Variants in HTT observed in about 807,000 individuals in gnomAD.
The protein encoded by HTT is huntington disease protein.
A neutral mutation model predicts 362.3 loss-of-function variants in HTT; 104 were observed. That is an observed-to-expected ratio of 0.29 (90% confidence interval 0.24 to 0.34). The LOEUF (loss-of-function observed/expected upper bound fraction) is 0.34, where lower values mean the gene tolerates loss of function less well. HTT is among the 10% of genes least tolerant of loss of function. The probability of loss-of-function intolerance (pLI) is 1.00; values close to 1 mark genes in which losing one functional copy is unlikely to be tolerated. For missense variants in HTT, 3,301 were observed against 3,928.6 expected (o/e 0.84, Z 4.27); for synonymous variants, 1,577 against 1,548.7 (o/e 1.02, Z -0.43).
chr4:3,132,979 T>G, intron 18 of HTT, 68 bp downstream of exon 18: 2 of 1,183,238 alleles, frequency 1.7e-6, no homozygotes, highest in South Asian at 1.2e-5. Flanking sequence ...ACAATTAAAA[T>G]TGGAGCTTAA....
intron 2 of HTT, among the ~76,000 whole-genome samples, chr4:3,089,259 C>CT (rs896224738): frequency 6.1e-4 from 90 of 146,656 alleles, no homozygotes; most frequent in East Asian, 2.0e-3. Context: ...GTTATCTTTA[C>CT]TTTTTTTTTT....
At chr4:3,185,727 A>C (rs751376255) in intron 37 of HTT, among the ~76,000 whole-genome samples, 5 of 152,194 alleles carry the variant, frequency 3.3e-5, no homozygotes, top group Non-Finnish European at 7.4e-5. Context: ...AGCCTGGGCA[A>C]CATGGTGAAA....
intron 64 of HTT, among the ~76,000 whole-genome samples, chr4:3,237,019 G>A (rs1321153778): frequency 6.6e-6 from 1 of 152,008 alleles, no homozygotes; most frequent in Non-Finnish European, 1.5e-5. Flanking sequence ...TGTTTGACCA[G>A]ATGAGGCATT....
intron 40 of HTT, among the ~76,000 whole-genome samples, chr4:3,198,785 T>G (rs1262637533): frequency 6.6e-6 from 1 of 152,026 alleles, no homozygotes. Flanking sequence ...TCTAGCTGAG[T>G]GTGTTGCTGA....
intron 41 of HTT, among the ~76,000 whole-genome samples, chr4:3,202,600 A>G (rs1392790293): frequency 6.6e-6 from 1 of 152,176 alleles, no homozygotes; most frequent in Non-Finnish European, 1.5e-5. Context: ...CAAGATATAG[A>G]GGAGTGCTGT....
intron 47 of HTT, among the ~76,000 whole-genome samples, chr4:3,211,199 C>T (rs769002274): frequency 4.6e-5 from 7 of 152,116 alleles, no homozygotes; most frequent in Non-Finnish European, 8.8e-5. Flanking sequence ...CCACCACGCC[C>T]GGCCTAAAAT....
In HTT at chr4:3,140,939, C is replaced by T. The variant is rs903201747; in HGVS notation, c.2945+283C>T. Reference sequence around the variant, plus strand: ...GTTGTATTTTTGTTTGTGACACTTACGTATTATCTGTTAAAACATTTTCAC... The same window carrying T: ...GTTGTATTTTTGTTTGTGACACTTATGTATTATCTGTTAAAACATTTTCAC... On this transcript the variant is annotated intron_variant, in intron 22 of 66. Coordinates refer to ENST00000355072, the MANE Select transcript of HTT (RefSeq NM_001388492.1). 2.6e-5 allele frequency among the ~76,000 whole-genome samples: 4 copies of T among 151,518 alleles called. No individual in the cohort carries two copies. The East Asian group carries it at 5.8e-4, about 22-fold the overall frequency.
At chr4:3,154,246 C>A in intron 26 of HTT, 47 bp from the exon 27 acceptor site, 1 of 1,425,966 alleles carries the variant, frequency 7.0e-7, no homozygotes, top group Non-Finnish European at 9.5e-7. Context: ...ATACTTCCAT[C>A]ACATGTTTTT....
rs763913942 is a variant in HTT, at chr4:3,148,059, C to A, written c.3350C>A (p.Pro1117Gln). 6.2e-7 allele frequency: 1 copy of A among 1,614,138 alleles called. No homozygotes were observed. The highest frequency in any genetic ancestry group is 8.5e-7 in the Non-Finnish European group (1 of 1,180,010). ...TGGGCCTCTGAAGAAGAAGCCAACC[C>A]AGCAGCCACCAAGCAAGAGGAGGTC... ...SSWASEEEAN[P>Q]AATKQEEVWP... is the part of the protein sequence containing the mutation. Residue 1117 changes from proline (P) to glutamine (Q), a missense_variant, in exon 26 of 67, where the codon CCA (proline) becomes CAA (glutamine). By Grantham distance (76) the Pro-to-Gln change is moderately conservative. Transcript: ENST00000355072.
At position 3,212,124 on chromosome 4, in the gene HTT, A is replaced by G. The variant is rs1473460002; in HGVS notation, c.6610A>G (p.Lys2204Glu). ...TGCAGAGCCGGCGGCCTACTGGAGCAAGTTGAATGATCTGTTTGGTAATTA... is the reference window on the plus strand; with the variant it reads ...TGCAGAGCCGGCGGCCTACTGGAGCGAGTTGAATGATCTGTTTGGTAATTA... ...LPAEPAAYWS[K>E]LNDLFGDAAL... The change falls in exon 48 of 67, where the codon AAG (lysine) becomes GAG (glutamate). Residue 2204 changes from lysine to glutamate, a missense_variant. Transcript: ENST00000355072. 1.2e-6 allele frequency: 2 copies of G among 1,612,950 alleles called. No homozygotes were observed. Among genetic ancestry groups the G allele is most frequent in the Admixed American group, 1.7e-5 (1 of 60,006 alleles).
At chr4:3,096,890 A>G (rs1444515975) in intron 2 of HTT, among the ~76,000 whole-genome samples, 4 of 152,056 alleles carry the variant, frequency 2.6e-5, no homozygotes, top group Admixed American at 6.5e-5. Context: ...AGGCCGAGGC[A>G]GGTGGATTGT....
At position 3,166,541 on chromosome 4, in the gene HTT, G is replaced by A. The variant is rs561260336; in HGVS notation, c.3865-5779G>A. Among the ~76,000 whole-genome samples the A allele has an allele frequency of 2.6e-5, 4 of 152,348 alleles. No homozygotes were observed. In the East Asian group the frequency reaches 5.8e-4, roughly 22 times the overall value. On this transcript the variant is annotated intron_variant, in intron 29 of 66. Transcript: ENST00000355072. Reference sequence around the variant, plus strand: ...TCCCCCAGAGGTGGAATCTAGAGAGGCAGTAGGCCTTGCTGAGCTGCAGTG... The same window carrying A: ...TCCCCCAGAGGTGGAATCTAGAGAGACAGTAGGCCTTGCTGAGCTGCAGTG...
intron 40 of HTT, among the ~76,000 whole-genome samples, chr4:3,197,658 G>A (rs1719317316): frequency 6.6e-6 from 1 of 152,138 alleles, no homozygotes; most frequent in Non-Finnish European, 1.5e-5. Context: ...AACAGATACT[G>A]CTCTTAATTC....
Position 3,115,421 on chromosome 4 carries a change from A to G in HTT, c.865A>G (p.Ser289Gly). 1 of 1,613,842 alleles carries G rather than the reference A, an allele frequency of 6.2e-7. No individual in the cohort carries two copies. The highest frequency in any genetic ancestry group is 8.5e-7 in the Non-Finnish European group (1 of 1,179,672). Residue 289 changes from serine to glycine, a missense_variant, in exon 7 of 67, where the codon AGT (serine) becomes GGT (glycine). This residue lies in a region of HTT where 2,316 missense variants were observed against 2,658.5 expected (regional missense o/e 0.87). Coordinates refer to ENST00000355072, the MANE Select transcript of HTT (RefSeq NM_001388492.1). ...CTCAAGAAGGACACAATATTTCTAT[A>G]GTTGGCTACTAAATGTGCTCTTAGG... ...QHSRRTQYFY[S>G]WLLNVLLGLL...
intron 66 of HTT, 143 bp from the exon 67 acceptor site, chr4:3,239,703 C>T (rs1721717147): frequency 1.6e-6 from 1 of 639,210 alleles, no homozygotes; most frequent in East Asian, 2.7e-5. Flanking sequence ...TGGAGGCATC[C>T]AGGTGGCCCT....
At chr4:3,176,035 GT>G (rs10690454) in intron 33 of HTT, among the ~76,000 whole-genome samples, 4 of 141,148 alleles carry the variant, frequency 2.8e-5, no homozygotes, top group Admixed American at 1.4e-4. Context: ...GTTTTTTTTT[GT>G]TTTTTTTTTG....
rs975762875 is a variant in HTT at position 3,238,012 on chromosome 4, A to G, written c.8892-435A>G. On this transcript the variant is annotated intron_variant, in intron 64 of 66. Transcript: ENST00000355072. ...AATGGGAACGGGTTCTTTTGTTATG[A>G]TTTTTAAAAATCTCTTTTGTAACAT... is the stretch of plus-strand genomic sequence containing the variant. Among the ~76,000 whole-genome samples, 3 of 152,186 alleles carry G rather than the reference A, an allele frequency of 2.0e-5. 1 individual carries two copies. The highest frequency in any genetic ancestry group is 2.0e-4 in the Admixed American group (3 of 15,284).
At chr4:3,161,521 A>C (rs1444932273) in intron 29 of HTT, among the ~76,000 whole-genome samples, 1 of 152,186 alleles carries the variant, frequency 6.6e-6, no homozygotes, top group African/African-American at 2.4e-5. Context: ...TAGTTGAACT[A>C]ATTTACACTC....
At chr4:3,145,757 T>C (rs1716567791) in intron 24 of HTT, among the ~76,000 whole-genome samples, 2 of 152,236 alleles carry the variant, frequency 1.3e-5, no homozygotes, top group Admixed American at 1.3e-4. Flanking sequence ...CTGAGAATGA[T>C]TTTGGTGACT....
Sources: gnomAD v4.1 joint callset for allele counts (sites outside exome capture counted in the v4.1 genomes callset) on GRCh38, gnomAD v4.1.1 for gene constraint, gnomAD v4.1.1 regional missense constraint, MANE v1.5 for transcripts, NCBI Gene and HGNC (gene_info 2026-07-23, HGNC 2026-07-21) for gene names.